The following USF2 variants were observed in gnomAD, a reference collection of about 807,000 sequenced individuals.
USF2 encodes the protein upstream stimulatory factor 2.
USF2 carries 16 observed loss-of-function variants against 46.9 expected under a neutral mutation model. That is an observed-to-expected ratio of 0.34 (90% CI 0.23 to 0.52). The LOEUF (loss-of-function observed/expected upper bound fraction) is 0.52. USF2 is among the 20% of genes least tolerant of loss of function. The pLI is 0.96. For missense variants in USF2, 411 were observed against 474.0 expected, an observed-to-expected ratio of 0.87 and a Z score of 1.23; for synonymous variants, 239 against 194.1, an observed-to-expected ratio of 1.23 and a Z score of -1.92.
At position 35,269,169 on chromosome 19, in the gene USF2, A is replaced by T; in HGVS notation, c.62+6A>T. On this transcript the variant is annotated splice_donor_region_variant and intron_variant, in intron 1 of 9. Transcript: ENST00000222305. ...ACCGCTGCTGCCGCCGCCAGGTAAGATCCCCGGCCCGGCCGTGCCCCCGCG... is the reference window on the plus strand; with the variant it reads ...ACCGCTGCTGCCGCCGCCAGGTAAGTTCCCCGGCCCGGCCGTGCCCCCGCG... 1.0e-6 allele frequency: 1 copy of T among 998,012 alleles called. No homozygotes were observed. The highest frequency in any genetic ancestry group is 1.2e-6 in the Non-Finnish European group (1 of 842,782). 61.8% of individuals were successfully genotyped at this position (998,012 alleles called of 1,614,324 possible).
At chr19:35,271,248 C>A in intron 7 of USF2, 107 bp downstream of exon 7, 1 of 1,359,236 alleles carries the variant, frequency 7.4e-7, no homozygotes, top group Non-Finnish European at 1.0e-6. Context: ...GGGCAGGCCA[C>A]AAGTGCTCCA....
At chr19:35,272,338 G>A (rs1411184957) in intron 7 of USF2, among the ~76,000 whole-genome samples, 1 of 152,058 alleles carries the variant, frequency 6.6e-6, no homozygotes, top group East Asian at 1.9e-4. Flanking sequence ...GGGTGATGGC[G>A]GCATGGTAGT....
At chr19:35,269,279 C>A in intron 1 of USF2, 116 bp downstream of exon 1, 1 of 919,354 alleles carries the variant, frequency 1.1e-6, no homozygotes, top group Non-Finnish European at 1.3e-6. Flanking sequence ...AAAATGGAGG[C>A]CGCCGGCGCG....
chr19:35,269,612 A>T lies in USF2; in HGVS notation c.141A>T (p.Thr47=). Residue 47 remains threonine, a synonymous_variant, in exon 3 of 10, where the codon ACA becomes ACT. Coordinates refer to ENST00000222305, the MANE Select transcript of USF2 (RefSeq NM_003367.4). ...GGDGPGAEEQ[T]AVAITSVQQA... Reference sequence around the variant, plus strand: ...ACGGCCCAGGAGCGGAGGAGCAGACAGCGGTGGCCATCACCAGCGTCCAGC... The same window carrying T: ...ACGGCCCAGGAGCGGAGGAGCAGACTGCGGTGGCCATCACCAGCGTCCAGC... 6.3e-7 allele frequency: 1 copy of T among 1,596,606 alleles called. No homozygotes were observed.
At chr19:35,273,271 C>T (rs2066184101) in intron 7 of USF2, among the ~76,000 whole-genome samples, 5 of 152,190 alleles carry the variant, frequency 3.3e-5, no homozygotes, top group Admixed American at 3.3e-4. Flanking sequence ...CTTCCGGTCA[C>T]CCGTGGTGAC....
intron 5 of USF2, 52 bp downstream of exon 5, chr19:35,270,649 G>A (rs750487332): frequency 1.2e-6 from 2 of 1,611,708 alleles, no homozygotes; most frequent in Non-Finnish European, 1.7e-6. Context: ...GGCCCAGCAG[G>A]GAGGGAAGCC....
intron 7 of USF2, among the ~76,000 whole-genome samples, chr19:35,272,347 G>A (rs558652102): frequency 6.6e-6 from 1 of 152,252 alleles, no homozygotes; most frequent in Admixed American, 6.5e-5. Context: ...CGGCATGGTA[G>A]TGTGCTCTGA....
At chr19:35,269,202 C>CCGG in intron 1 of USF2, 39 bp downstream of exon 1, 2 of 980,336 alleles carry the variant, frequency 2.0e-6, no homozygotes, top group Non-Finnish European at 2.4e-6. Flanking sequence ...GCGCCCCGGC[C>CCGG]CCGGCCCCGG....
At position 35,279,278 on chromosome 19, in the gene USF2, C is replaced by A; in HGVS notation, c.*22C>A. The A allele has an allele frequency of 6.9e-7, 1 of 1,459,038 alleles. No homozygotes were observed. The highest frequency in any genetic ancestry group is 2.4e-5 in the Admixed American group (1 of 42,170). The allele number at this position is 1,459,038 out of a possible 1,614,324, so 90.4% of individuals were successfully genotyped here. ...GTGACGCCCGCCACCACCACGCAGC[C>A]GCCGCCGCCCACGCCGGCCTCTGCT... On this transcript the variant is annotated 3_prime_UTR_variant, in exon 10 of 10. Transcript: ENST00000222305.
chr19:35,269,489 GA>G lies in USF2; in HGVS notation c.108del (p.Gly37AlafsTer41). 1 of 1,554,310 alleles carries G rather than the reference GA, an allele frequency of 6.4e-7. No individual in the cohort carries two copies. Among genetic ancestry groups the G allele is most frequent in the East Asian group, 2.5e-5 (1 of 40,478 alleles). On this transcript the variant is annotated frameshift_variant and splice_region_variant, in exon 2 of 10. Coordinates refer to ENST00000222305, the MANE Select transcript of USF2 (RefSeq NM_003367.4). LOFTEE classifies it high-confidence loss of function. ...GGCGGAGGAGGGCGTCGAGCTGCAG[GA>G]AGGTGAGTGCTTGCCGGGCCGGCCG... ...PEAEEGVELQ[E>X]GGDGPGAEEQ...
intron 6 of USF2, 121 bp from the exon 7 acceptor site, chr19:35,270,962 C>A: frequency 6.8e-7 from 1 of 1,463,484 alleles, no homozygotes; most frequent in Non-Finnish European, 9.5e-7. Context: ...AGTATCATGT[C>A]TTTTGTTTTT....
At position 35,270,749 on chromosome 19, in the gene USF2, T is replaced by C. The variant is rs141139129; in HGVS notation, c.612T>C (p.Asp204=). 2.5e-4 allele frequency: 396 copies of C among 1,613,936 alleles called. No homozygotes were observed. Among genetic ancestry groups the C allele is most frequent in the Non-Finnish European group, 3.2e-4 (373 of 1,180,020 alleles). ...GQFYVMMTPQ[D]VLQTGTQRTI... ...TCTACGTCATGATGACGCCCCAGGA[T>C]GTGCTTCAGACAGGAACACAGAGGA... Residue 204 remains aspartate, a synonymous_variant, in exon 6 of 10, where the codon GAT becomes GAC. Transcript: ENST00000222305.
intron 7 of USF2, among the ~76,000 whole-genome samples, chr19:35,271,530 C>G (rs1387319367): frequency 6.6e-6 from 1 of 152,236 alleles, no homozygotes; most frequent in Non-Finnish European, 1.5e-5. Context: ...CCATGCCTGC[C>G]TGGCCTCCAG....
chr19:35,274,993 T>C (rs1344035809), intron 7 of USF2: 1 of 152,236 alleles, frequency 6.6e-6, no homozygotes, highest in African/African-American at 2.4e-5. Flanking sequence ...TTAGATTGCT[T>C]TTTCCGTTTC....
In USF2 at chr19:35,269,428, C is replaced by T. The variant is rs1390005146; in HGVS notation, c.63-18C>T. 3 of 1,508,254 alleles carry T rather than the reference C, an allele frequency of 2.0e-6. No individual in the cohort carries two copies. Among genetic ancestry groups the T allele is most frequent in the South Asian group, 2.5e-5 (2 of 80,848 alleles). The allele number at this position is 1,508,254 out of a possible 1,614,324, so 93.4% of individuals were successfully genotyped here. On this transcript the variant is annotated intron_variant, in intron 1 of 9. Transcript: ENST00000222305. Reference sequence around the variant, plus strand: ...GCGCGGGCCGCGCTGACCCTGCTCCCTCCTGTGCCCCTGGCAGCCACGACA... The same window carrying T: ...GCGCGGGCCGCGCTGACCCTGCTCCTTCCTGTGCCCCTGGCAGCCACGACA...
At chr19:35,270,893 T>C (rs368713714) in intron 6 of USF2, 88 bp downstream of exon 6, 15 of 1,525,164 alleles carry the variant, frequency 9.8e-6, no homozygotes, top group African/African-American at 5.5e-5. Context: ...TAGCATGAAG[T>C]GGGCACATGG....
rs1319719570 is a variant in USF2 at position 35,279,272 on chromosome 19, C to T, written c.*16C>T. Reference sequence around the variant, plus strand: ...CCGGCAGTGACGCCCGCCACCACCACGCAGCCGCCGCCGCCCACGCCGGCC... The same window carrying T: ...CCGGCAGTGACGCCCGCCACCACCATGCAGCCGCCGCCGCCCACGCCGGCC... On this transcript the variant is annotated 3_prime_UTR_variant, in exon 10 of 10. Coordinates refer to ENST00000222305, the MANE Select transcript of USF2 (RefSeq NM_003367.4). 1.1e-5 allele frequency: 16 copies of T among 1,491,050 alleles called. No individual in the cohort carries two copies. Among genetic ancestry groups the T allele is most frequent in the East Asian group, 9.9e-5 (4 of 40,406 alleles). The allele number at this position is 1,491,050 out of a possible 1,614,324, so 92.4% of individuals were successfully genotyped here.
In USF2 at chr19:35,279,358, C is replaced by T. The variant is rs561667275; in HGVS notation, c.*102C>T. The T allele has an allele frequency of 1.0e-5, 13 of 1,246,334 alleles. No individual in the cohort carries two copies. Among genetic ancestry groups the T allele is most frequent in the South Asian group, 1.8e-5 (1 of 54,594 alleles). 77.2% of individuals were successfully genotyped at this position (1,246,334 alleles called of 1,614,324 possible). On this transcript the variant is annotated 3_prime_UTR_variant, in exon 10 of 10. Transcript: ENST00000222305. ...GGGACACATGCCCCTCCCCCAGCTG[C>T]GTTTTTTTATAGTAGATTTTTAACA...
chr19:35,278,126 C>CAAGTA (rs1359157973), intron 7 of USF2: 1 of 152,602 alleles, frequency 6.6e-6, no homozygotes, highest in Non-Finnish European at 1.5e-5. Context: ...TCTGCCATTG[C>CAAGTA]CCTGTGGAAG....
Sources: allele counts gnomAD v4.1 joint callset (sites outside exome capture counted in the v4.1 genomes callset), GRCh38; gene constraint gnomAD v4.1.1; transcripts MANE v1.5; gene names NCBI Gene and HGNC (gene_info 2026-07-23, HGNC 2026-07-21).